CCDC148: variants seen among roughly 807,000 people sequenced by gnomAD.
CCDC148 encodes the protein coiled-coil domain containing 148, also known as coiled-coil domain-containing protein 148.
A neutral mutation model predicts 85.7 loss-of-function variants in CCDC148; 89 were observed. The ratio of observed to expected loss-of-function variants is 1.04; its 90% CI spans 0.87 to 1.24. The LOEUF is 1.24. Ranked by LOEUF, CCDC148 falls within the 50% of genes most tolerant of loss-of-function variation. The pLI is 0.00. For missense variants in CCDC148, 692 were observed against 671.7 expected, an observed-to-expected ratio of 1.03 and a Z score of -0.33; for synonymous variants, 230 against 213.9, an observed-to-expected ratio of 1.08 and a Z score of -0.66.
In CCDC148 at chr2:158,345,254, T is replaced by G; in HGVS notation, c.212A>C (p.Gln71Pro). ...CCTCTGGTATTCCTGCCACCACACT[T>G]GCTTGTGTTGTTTTATTAGTGTTTG... ...KEQTLIKQHK[Q>P]VWWQEYQRLN... Residue 71 changes from glutamine (Q) to proline (P), a missense_variant, in exon 3 of 14, where the codon CAA (glutamine) becomes CCA (proline). Coordinates refer to ENST00000283233, the MANE Select transcript of CCDC148 (RefSeq NM_138803.4). The G allele has an allele frequency of 6.2e-7, 1 of 1,613,634 alleles. No homozygotes were observed. Among genetic ancestry groups the G allele is most frequent in the Non-Finnish European group, 8.5e-7 (1 of 1,179,728 alleles).
intron 1 of CCDC148, among the ~76,000 whole-genome samples, chr2:158,438,941 AG>A (rs1237663952): frequency 6.6e-6 from 1 of 152,218 alleles, no homozygotes; most frequent in African/African-American, 2.4e-5. Context: ...ATCTCATACT[AG>A]TTAGAATGGT....
intron 11 of CCDC148, among the ~76,000 whole-genome samples, chr2:158,211,656 G>A (rs1686584512): frequency 6.6e-6 from 1 of 152,122 alleles, no homozygotes; most frequent in Non-Finnish European, 1.5e-5. Context: ...CTCAGCAAAC[G>A]ACATGCTTCA....
intron 11 of CCDC148, among the ~76,000 whole-genome samples, chr2:158,179,530 A>G (rs1684783677): frequency 6.6e-6 from 1 of 151,624 alleles, no homozygotes; most frequent in Admixed American, 6.6e-5. Context: ...CACTTTATTA[A>G]CTCTCAGAGT....
intron 1 of CCDC148, among the ~76,000 whole-genome samples, chr2:158,370,496 G>A (rs981314479): frequency 2.0e-5 from 3 of 151,782 alleles, no homozygotes; most frequent in Non-Finnish European, 4.4e-5. Context: ...ATGTGATCTT[G>A]GTCATTTTCA....
Position 158,309,560 on chromosome 2 carries a change from T to A in CCDC148, c.983A>T (p.Asn328Ile). 2 of 1,613,638 alleles carry A rather than the reference T, an allele frequency of 1.2e-6. No individual in the cohort carries two copies. Among genetic ancestry groups the A allele is most frequent in the Non-Finnish European group, 1.7e-6 (2 of 1,179,556 alleles). ...AGCCTTCTGTATAAAGTCTTTCTTA[T>A]TTTTATTCCAATTTGATATCAGGAT... is the stretch of plus-strand genomic sequence containing the variant. The part of the protein sequence containing the change: ...QNILISNWNK[N>I]KKDFIQKAVL... Residue 328 changes from asparagine to isoleucine, a missense_variant, in exon 9 of 14, where the codon AAT becomes ATT. Transcript: ENST00000283233.
intron 11 of CCDC148, among the ~76,000 whole-genome samples, chr2:158,210,087 C>T (rs2105291017): frequency 6.6e-6 from 1 of 152,128 alleles, no homozygotes; most frequent in South Asian, 2.1e-4. Flanking sequence ...CAAAGACACA[C>T]ATAGGCTCAA....
intron 9 of CCDC148, among the ~76,000 whole-genome samples, chr2:158,288,230 C>T (rs1690725349): frequency 6.6e-6 from 1 of 152,172 alleles, no homozygotes; most frequent in African/African-American, 2.4e-5. Flanking sequence ...TCTGACATGC[C>T]CTGGAGACAT....
intron 1 of CCDC148, among the ~76,000 whole-genome samples, chr2:158,414,286 CA>C (rs1367955732): frequency 6.6e-6 from 1 of 152,084 alleles, no homozygotes. Context: ...CAAATCTTAC[CA>C]AACCAGAAAC....
chr2:158,429,093 A>G (rs58732325), intron 1 of CCDC148, among the ~76,000 whole-genome samples: 24,778 of 148,568 alleles, frequency 0.17, 2,200 homozygotes, highest in Middle Eastern at 0.2. Flanking sequence ...CAACGAGAAC[A>G]CTTGGACACA....
chr2:158,416,093 C>A (rs1013667855), intron 1 of CCDC148, among the ~76,000 whole-genome samples: 2 of 152,238 alleles, frequency 1.3e-5, no homozygotes, highest in Non-Finnish European at 2.9e-5. Flanking sequence ...AGGCTTGTGG[C>A]TTACACCCTC....
chr2:158,219,354 A>C (rs1357781755), intron 11 of CCDC148, among the ~76,000 whole-genome samples: 1 of 152,200 alleles, frequency 6.6e-6, no homozygotes, highest in Non-Finnish European at 1.5e-5. Flanking sequence ...GTAATGTCTC[A>C]CAGCTCTAAA....
At chr2:158,246,696 G>T (rs78443154) in intron 10 of CCDC148, among the ~76,000 whole-genome samples, 2,708 of 152,246 alleles carry the variant, frequency 0.018, 47 homozygotes, top group Non-Finnish European at 0.029. Context: ...AAGTCACATA[G>T]GACTTGTCCA....
intron 11 of CCDC148, among the ~76,000 whole-genome samples, chr2:158,206,726 T>G (rs1686266826): frequency 6.6e-6 from 1 of 152,190 alleles, no homozygotes. Flanking sequence ...GGAATAAGAT[T>G]GGAGGATTGT....
intron 9 of CCDC148, among the ~76,000 whole-genome samples, chr2:158,302,655 A>C (rs1318214165): frequency 6.6e-6 from 1 of 151,828 alleles, no homozygotes; most frequent in Non-Finnish European, 1.5e-5. Flanking sequence ...GTGGTGGCAC[A>C]TGCCTGTAAT....
At chr2:158,254,028 A>G (rs989047074) in intron 9 of CCDC148, among the ~76,000 whole-genome samples, 10 of 151,704 alleles carry the variant, frequency 6.6e-5, no homozygotes, top group African/African-American at 2.4e-4. Context: ...TGGGAACACA[A>G]TCCACAAAAC....
intron 1 of CCDC148, among the ~76,000 whole-genome samples, chr2:158,443,909 G>T (rs1337785962): frequency 6.6e-6 from 1 of 152,148 alleles, no homozygotes; most frequent in Non-Finnish European, 1.5e-5. Flanking sequence ...CAATTTATCA[G>T]CTTTTAAAAC....
Position 158,220,622 on chromosome 2 carries a change from G to A in CCDC148, c.1343C>T (p.Ala448Val), listed in dbSNP as rs1222880032. The stretch of plus-strand genomic sequence containing the variant: ...TTCTCTGTCTTTTAGTGACTGTTCA[G>A]CGATTAATTTCTTCAGTTCTTCTAG... Reference protein sequence around the residue: ...QRLEELKKLIAEQSLKDRERV... With the variant: ...QRLEELKKLIVEQSLKDRERV... Residue 448 changes from alanine to valine, a missense_variant, in exon 11 of 14, where the codon GCT becomes GTT. Physicochemically the swap from Ala to Val is moderately conservative, Grantham distance 64. Coordinates refer to ENST00000283233, the MANE Select transcript of CCDC148 (RefSeq NM_138803.4). The A allele has an allele frequency of 1.2e-6, 2 of 1,604,212 alleles. No individual in the cohort carries two copies.
chr2:158,388,902 A>G (rs1468592407), intron 1 of CCDC148, among the ~76,000 whole-genome samples: 1 of 152,222 alleles, frequency 6.6e-6, no homozygotes, highest in Non-Finnish European at 1.5e-5. Flanking sequence ...CAAAAATATC[A>G]TCTGAAAATA....
rs377566853 is a variant in CCDC148, at chr2:158,327,293, C to T, written c.764+11433G>A. Among the ~76,000 whole-genome samples, 9 of 152,280 alleles carry T rather than the reference C, an allele frequency of 5.9e-5. No individual in the cohort carries two copies. In the South Asian group the frequency reaches 1.7e-3, roughly 28 times the overall value. ...GAATATAAAATACCTGTTTTCTCCA[C>T]ACTCTTGCCACATCTGTTAAGATTT... On this transcript the variant is annotated intron_variant, in intron 7 of 13. Coordinates refer to ENST00000283233, the MANE Select transcript of CCDC148 (RefSeq NM_138803.4).
Sources: allele counts gnomAD v4.1 joint callset (sites outside exome capture counted in the v4.1 genomes callset), GRCh38; gene constraint gnomAD v4.1.1; transcripts MANE v1.5; gene names NCBI Gene and HGNC (gene_info 2026-07-23, HGNC 2026-07-21).